RBFOX1: variants seen among roughly 807,000 people sequenced by gnomAD.
RBFOX1 encodes the protein RNA binding fox-1 homolog 1, also known as RNA binding protein fox-1 homolog 1.
A neutral mutation model predicts 57.7 loss-of-function variants in RBFOX1; 8 were observed. The ratio of observed to expected loss-of-function variants is 0.14; its 90% CI spans 0.08 to 0.25. The LOEUF is 0.25. RBFOX1 is among the 10% of genes least tolerant of loss of function. The pLI is 1.00. For missense variants in RBFOX1, 611 were observed against 548.5 expected, an observed-to-expected ratio of 1.11 and a Z score of -1.14; for synonymous variants, 326 against 222.4, an observed-to-expected ratio of 1.47 and a Z score of -4.15.
At chr16:6,496,705 A>G (rs2095780430) in intron 2 of RBFOX1, among the ~76,000 whole-genome samples, 1 of 152,166 alleles carries the variant, frequency 6.6e-6, no homozygotes, top group African/African-American at 2.4e-5. Flanking sequence ...CATGCCTGTA[A>G]TCCCAGCACT....
chr16:6,019,925 G>A lies in RBFOX1; in HGVS notation c.-194G>A. 1 of 1,534,820 alleles carries A rather than the reference G, an allele frequency of 6.5e-7. No homozygotes were observed. Among genetic ancestry groups the A allele is most frequent in the South Asian group, 1.2e-5 (1 of 83,954 alleles). ...TGGTGAGTGTGGCTGGGGGTGCAGA[G>A]AGCGCACGGGAATTCGGGGGTCTGG... On this transcript the variant is annotated 5_prime_UTR_variant, in exon 1 of 16. Coordinates refer to ENST00000550418, the MANE Select transcript of RBFOX1 (RefSeq NM_018723.4). The surrounding 1 kb of genome is among the most constrained non-coding windows in gnomAD (Gnocchi z 4.2).
chr16:7,144,853 C>T (rs2074608845), intron 4 of RBFOX1, among the ~76,000 whole-genome samples: 1 of 152,074 alleles, frequency 6.6e-6, no homozygotes, highest in African/African-American at 2.4e-5. Context: ...CTGAAGGTTG[C>T]CATTTAGCAG....
intron 2 of RBFOX1, among the ~76,000 whole-genome samples, chr16:6,326,870 C>G (rs1375889431): frequency 1.3e-5 from 2 of 152,186 alleles, no homozygotes; most frequent in Non-Finnish European, 2.9e-5. Flanking sequence ...ACAGCCGGTG[C>G]AGGTGTGGCT....
intron 2 of RBFOX1, among the ~76,000 whole-genome samples, chr16:6,605,852 C>T (rs2097918114): frequency 6.6e-6 from 1 of 152,162 alleles, no homozygotes; most frequent in Non-Finnish European, 1.5e-5. Context: ...GTAATCCCAG[C>T]ACTCTAGGAG....
intron 3 of RBFOX1, among the ~76,000 whole-genome samples, chr16:5,852,753 C>T (rs150719057): frequency 8.4e-4 from 128 of 152,120 alleles, no homozygotes; most frequent in Middle Eastern, 6.8e-3. Flanking sequence ...TCACTTGAGC[C>T]CAGGAGTTTG....
intron 4 of RBFOX1, among the ~76,000 whole-genome samples, chr16:7,443,862 C>T (rs751542176): frequency 5.9e-5 from 9 of 152,248 alleles, no homozygotes; most frequent in South Asian, 4.2e-4. Context: ...ATGCACGTGG[C>T]GTGAAAATTT....
rs17800307 is a variant in RBFOX1, at chr16:6,056,387, C to G, written c.-127+36395C>G. On this transcript the variant is annotated intron_variant, in intron 1 of 15. Coordinates refer to ENST00000550418, the MANE Select transcript of RBFOX1 (RefSeq NM_018723.4). ...GAGTGTAATACCTGTTTTCCTTTCT[C>G]TTTTCCTCGATCTCTCATTCTGTCT... Among the ~76,000 whole-genome samples, 292 of 152,320 alleles carry G rather than the reference C, an allele frequency of 1.9e-3. 1 individual carries two copies. The highest frequency in any genetic ancestry group is 6.2e-3 in the African/African-American group (256 of 41,582).
chr16:5,552,661 G>A (rs565421573), intron 2 of RBFOX1, among the ~76,000 whole-genome samples: 88 of 152,208 alleles, frequency 5.8e-4, no homozygotes, highest in African/African-American at 1.9e-3. Context: ...ATTGGAAACC[G>A]ACTCACATTG....
At chr16:5,297,540 C>A (rs1487718054) in intron 1 of RBFOX1, among the ~76,000 whole-genome samples, 1 of 152,050 alleles carries the variant, frequency 6.6e-6, no homozygotes, top group Non-Finnish European at 1.5e-5. Context: ...TGTATGTCTT[C>A]TTTTGAGAAA....
intron 4 of RBFOX1, among the ~76,000 whole-genome samples, chr16:5,964,095 A>G (rs546688698): frequency 6.6e-6 from 1 of 152,120 alleles, no homozygotes; most frequent in Non-Finnish European, 1.5e-5. Context: ...TAGACATAAG[A>G]CTCAAATAGA....
intron 1 of RBFOX1, among the ~76,000 whole-genome samples, chr16:5,363,200 T>C (rs1208503992): frequency 9.3e-6 from 1 of 107,942 alleles, no homozygotes; most frequent in East Asian, 2.2e-4. Flanking sequence ...CCCCTGGCTA[T>C]TTTTTTTTTT....
chr16:7,501,875 A>G (rs1001649185), intron 4 of RBFOX1, among the ~76,000 whole-genome samples: 1 of 152,254 alleles, frequency 6.6e-6, no homozygotes, highest in Non-Finnish European at 1.5e-5. Context: ...GCCAGCCTGT[A>G]GCTATAGAGG....
intron 4 of RBFOX1, among the ~76,000 whole-genome samples, chr16:7,331,776 A>C (rs938254894): frequency 3.9e-5 from 6 of 152,160 alleles, no homozygotes; most frequent in Admixed American, 6.5e-5. Flanking sequence ...CTGACACCCA[A>C]GTCAGTATAA....
intron 3 of RBFOX1, among the ~76,000 whole-genome samples, chr16:6,917,124 T>C (rs1352779823): frequency 6.6e-6 from 1 of 152,226 alleles, no homozygotes; most frequent in South Asian, 2.1e-4. Context: ...GTGCTGGGGT[T>C]ACAGGTGTGA....
At chr16:6,083,418 T>A (rs2096038132) in intron 1 of RBFOX1, among the ~76,000 whole-genome samples, 1 of 152,166 alleles carries the variant, frequency 6.6e-6, no homozygotes, top group Non-Finnish European at 1.5e-5. Flanking sequence ...GCTGTTGAAG[T>A]TTATTTCTTT....
At chr16:7,253,500 C>G (rs915735651) in intron 4 of RBFOX1, among the ~76,000 whole-genome samples, 16 of 152,092 alleles carry the variant, frequency 1.1e-4, no homozygotes, top group African/African-American at 3.6e-4. Flanking sequence ...CATCATTGAC[C>G]TTGTCATCAC....
downstream of RBFOX1, among the ~76,000 whole-genome samples, chr16:5,604,429 G>T (rs183748059): frequency 6.6e-6 from 1 of 152,272 alleles, no homozygotes; most frequent in Non-Finnish European, 1.5e-5. Flanking sequence ...TCTTGTGGCT[G>T]TAAGATGCAG....
At position 6,756,149 on chromosome 16, in the gene RBFOX1, G is replaced by A. The variant is rs148300322; in HGVS notation, c.-16+101499G>A. ...AAAAATCTTCAACATTTAATTTCAA[G>A]CATTTAAAAAATATATACTGTAGTA... On this transcript the variant is annotated intron_variant, in intron 3 of 15. Transcript: ENST00000550418. Among the ~76,000 whole-genome samples, 409 of 152,126 alleles carry A rather than the reference G, an allele frequency of 2.7e-3. 3 individuals are homozygous for A. The highest frequency in any genetic ancestry group is 0.014 in the Middle Eastern group (4 of 294).
chr16:6,183,973 A>T (rs569548315), intron 1 of RBFOX1, among the ~76,000 whole-genome samples: 1 of 152,194 alleles, frequency 6.6e-6, no homozygotes, highest in African/African-American at 2.4e-5. Context: ...TTTATAAAGA[A>T]AAAAGTGGTT....
Sources: gnomAD v4.1 joint callset for allele counts (sites outside exome capture counted in the v4.1 genomes callset) on GRCh38, gnomAD v4.1.1 for gene constraint, Gnocchi (gnomAD v3.1) non-coding constraint, MANE v1.5 for transcripts, NCBI Gene and HGNC (gene_info 2026-07-23, HGNC 2026-07-21) for gene names.